Variants in TRPC5 observed in about 807,000 individuals in gnomAD.
TRPC5 encodes transient receptor potential cation channel subfamily C member 5.
TRPC5 carries 9 observed loss-of-function variants against 56.5 expected under a neutral mutation model. The ratio of observed to expected loss-of-function variants is 0.16; its 90% CI spans 0.10 to 0.28. The LOEUF is 0.28. Ranked by LOEUF, TRPC5 falls within the 10% of genes least tolerant of loss-of-function variation. The probability of loss-of-function intolerance (pLI) is 1.00; values close to 1 mark genes in which losing one functional copy is unlikely to be tolerated. For missense variants in TRPC5, 469 were observed against 748.9 expected, an observed-to-expected ratio of 0.63 and a Z score of 4.36; for synonymous variants, 282 against 278.5, an observed-to-expected ratio of 1.01 and a Z score of -0.13.
At chrX:111,969,037 A>G (rs1201755281) in intron 1 of TRPC5, among the ~76,000 whole-genome samples, 1 of 109,021 alleles carries the variant, frequency 9.2e-6, no homozygotes, top group Non-Finnish European at 1.9e-5. Context: ...AACAAAAAAA[A>G]TAAATAAATA....
chrX:111,785,348 CAG>C (rs1945953594), intron 7 of TRPC5, among the ~76,000 whole-genome samples: 1 of 112,126 alleles, frequency 8.9e-6, no homozygotes, highest in South Asian at 3.7e-4. Flanking sequence ...AACTAACAAA[CAG>C]ATGGGAATAG....
intron 1 of TRPC5, among the ~76,000 whole-genome samples, chrX:112,030,485 T>C (rs1602401369): frequency 2.7e-5 from 3 of 112,215 alleles, no homozygotes; most frequent in Middle Eastern, 9.2e-3. Flanking sequence ...CCATTACTCT[T>C]CTTGCTCAAA....
At chrX:112,053,629 G>A (rs1390147662) in intron 1 of TRPC5, among the ~76,000 whole-genome samples, 4 of 111,821 alleles carry the variant, frequency 3.6e-5, no homozygotes, top group Non-Finnish European at 7.5e-5. Context: ...TGCTGGTGGT[G>A]TAATAGATGG....
At chrX:111,936,476 T>C (rs1926581297) in intron 2 of TRPC5, among the ~76,000 whole-genome samples, 1 of 110,313 alleles carries the variant, frequency 9.1e-6, no homozygotes, top group Non-Finnish European at 1.9e-5. Flanking sequence ...GTGTATCTCC[T>C]AATGCTATCC....
chrX:111,950,114 G>C (rs1927040090), intron 2 of TRPC5, among the ~76,000 whole-genome samples: 1 of 111,364 alleles, frequency 9.0e-6, no homozygotes, highest in Admixed American at 9.6e-5. Context: ...CACGAGGTCA[G>C]GAGATCAAGA....
intron 1 of TRPC5, among the ~76,000 whole-genome samples, chrX:112,010,826 T>C (rs1170485743): frequency 8.9e-6 from 1 of 111,751 alleles, no homozygotes; most frequent in Non-Finnish European, 1.9e-5. Context: ...AATGAGTTGA[T>C]ATGTGTGTAG....
intron 2 of TRPC5, among the ~76,000 whole-genome samples, chrX:111,923,325 G>A (rs1012278044): frequency 6.3e-5 from 7 of 111,664 alleles, no homozygotes; most frequent in Non-Finnish European, 1.3e-4. Flanking sequence ...ATTGTTTAAC[G>A]TTTGGCAGCC....
At chrX:111,912,205 T>C (rs897143990) in intron 3 of TRPC5, 86 bp downstream of exon 3, 191 of 1,051,574 alleles carry the variant, frequency 1.8e-4, no homozygotes, top group Non-Finnish European at 2.3e-4. Context: ...GGGGGCTAAA[T>C]GGTAGAAAAA....
intron 3 of TRPC5, among the ~76,000 whole-genome samples, chrX:111,897,244 A>C (rs1191613430): frequency 1.8e-5 from 2 of 111,590 alleles, no homozygotes; most frequent in African/African-American, 6.5e-5. Context: ...CCTGTAATAT[A>C]AGAAAAGTGG....
intron 3 of TRPC5, among the ~76,000 whole-genome samples, chrX:111,892,547 C>T (rs1420015467): frequency 9.0e-6 from 1 of 111,673 alleles, no homozygotes; most frequent in Non-Finnish European, 1.9e-5. Flanking sequence ...GCTGCAGCCC[C>T]ACCAGAGCTC....
chrX:112,004,202 A>G (rs748379707), intron 1 of TRPC5, among the ~76,000 whole-genome samples: 50 of 111,826 alleles, frequency 4.5e-4, no homozygotes, highest in African/African-American at 1.5e-3. Flanking sequence ...TTAATTAACC[A>G]TAGAGTTATC....
chrX:111,967,744 T>C (rs1380213470), intron 1 of TRPC5, among the ~76,000 whole-genome samples: 1 of 111,480 alleles, frequency 9.0e-6, no homozygotes, highest in Admixed American at 9.5e-5. Context: ...ATTTAATAAA[T>C]GGTGCTGGGA....
chrX:111,802,115 C>T (rs188856974), intron 7 of TRPC5, among the ~76,000 whole-genome samples: 3 of 111,824 alleles, frequency 2.7e-5, no homozygotes, highest in Non-Finnish European at 5.6e-5. Flanking sequence ...GTCTCAGCAC[C>T]GTTTGTTAGA....
At chrX:111,829,277 G>A (rs994657883) in intron 7 of TRPC5, among the ~76,000 whole-genome samples, 3 of 97,228 alleles carry the variant, frequency 3.1e-5, no homozygotes, top group Non-Finnish European at 4.1e-5. Context: ...ACTCCGGCCC[G>A]GGCGACAGTA....
intron 7 of TRPC5, among the ~76,000 whole-genome samples, chrX:111,809,879 TTTGTTTTTTTTTTTGTTGTTGTTG>T (rs1351731819): frequency 9.2e-6 from 1 of 108,655 alleles, no homozygotes; most frequent in Non-Finnish European, 1.9e-5. Flanking sequence ...TAGTCTTCAT[TTTGTTTTTTTTTTTGTTGTTGTTG>T]TTGTTTTTGT....
intron 3 of TRPC5, among the ~76,000 whole-genome samples, chrX:111,883,940 C>A (rs1487146627): frequency 1.8e-5 from 2 of 112,783 alleles, no homozygotes; most frequent in Non-Finnish European, 3.7e-5. Context: ...ATAGGCAGGG[C>A]TTCAGCCTAG....
intron 2 of TRPC5, among the ~76,000 whole-genome samples, chrX:111,921,704 C>T (rs1926132640): frequency 1.8e-5 from 2 of 111,582 alleles, no homozygotes; most frequent in South Asian, 7.6e-4. Flanking sequence ...AACTGTACTT[C>T]TAAAGAAACC....
chrX:111,777,931 A>C (rs942610683), intron 10 of TRPC5, among the ~76,000 whole-genome samples: 3 of 112,040 alleles, frequency 2.7e-5, no homozygotes, highest in African/African-American at 9.7e-5. Context: ...ATTGTTCATC[A>C]CCCTTTATTA....
At chrX:111,908,377 G>C (rs1925698449) in intron 3 of TRPC5, among the ~76,000 whole-genome samples, 1 of 111,668 alleles carries the variant, frequency 9.0e-6, no homozygotes, top group Non-Finnish European at 1.9e-5. Context: ...TGTTAAAATT[G>C]ATGTATGGCC....
Sources: gnomAD v4.1 joint callset for allele counts (sites outside exome capture counted in the v4.1 genomes callset) on GRCh38, gnomAD v4.1.1 for gene constraint, MANE v1.5 for transcripts, NCBI Gene and HGNC (gene_info 2026-07-23, HGNC 2026-07-21) for gene names.